Variants in OFD1 observed in about 807,000 individuals in gnomAD.
OFD1 encodes OFD1 centriole and centriolar satellite protein, also known as centriole and centriolar satellite protein OFD1.
A neutral mutation model predicts 81.4 loss-of-function variants in OFD1; 12 were observed. That is an observed-to-expected ratio of 0.15 (90% confidence interval 0.09 to 0.24). The LOEUF is 0.24. Among genes scored for constraint, OFD1 ranks in the 10% least tolerant of loss-of-function variants. The probability of loss-of-function intolerance (pLI) is 1.00; values close to 1 mark genes in which losing one functional copy is unlikely to be tolerated. For synonymous variants in OFD1, 256 were observed against 263.7 expected (o/e 0.97, Z 0.28); for missense variants, 685 against 733.9 (o/e 0.93, Z 0.77).
intron 11 of OFD1, among the ~76,000 whole-genome samples, chrX:13,753,916 T>G: frequency 8.9e-6 from 1 of 112,585 alleles, no homozygotes; most frequent in Non-Finnish European, 1.9e-5. Context: ...TGAACTCTTG[T>G]GTACATTGGC....
In OFD1 at chrX:13,760,621, G is replaced by A; in HGVS notation, c.2161G>A (p.Ala721Thr). The A allele has an allele frequency of 8.3e-7, 1 of 1,211,597 alleles. No individual in the cohort carries two copies. The highest frequency in any genetic ancestry group is 1.1e-6 in the Non-Finnish European group (1 of 895,297). Reference protein sequence around the residue: ...NDVVEALTGSAASRLRGGTSS... With the variant: ...NDVVEALTGSTASRLRGGTSS... ...CGTCGTGGAAGCACTGACAGGCAGT[G>A]CAGCCTCGAGGCTCCGCGGGGGCAC... is the stretch of plus-strand genomic sequence containing the variant. Residue 721 changes from alanine (A) to threonine (T), a missense_variant, in exon 16 of 23, where the codon GCA (alanine) becomes ACA (threonine). Transcript: ENST00000340096.
intron 3 of OFD1, among the ~76,000 whole-genome samples, chrX:13,737,087 C>T (rs1447366188): frequency 8.9e-6 from 1 of 111,898 alleles, no homozygotes; most frequent in African/African-American, 3.2e-5. Context: ...ATTTGCCCAA[C>T]ATCAAGTAAC....
At position 13,739,663 on chromosome X, in the gene OFD1, G is replaced by A. The variant is rs185442889; in HGVS notation, c.412+631G>A. 723 of 144,867 alleles carry A rather than the reference G, an allele frequency of 5.0e-3. 3 individuals are homozygous for A. Among genetic ancestry groups the A allele is most frequent in the Non-Finnish European group, 7.7e-3 (647 of 83,874 alleles). The allele number at this position is 144,867 out of a possible 1,213,427, so 11.9% of individuals were successfully genotyped here. On this transcript the variant is annotated intron_variant, in intron 5 of 22. Coordinates refer to ENST00000340096, the MANE Select transcript of OFD1 (RefSeq NM_003611.3). Reference sequence around the variant, plus strand: ...CTCAGGAGGCTGAGGCAGGAGAATCGCTTGAACCCGGAAGGCAGAGGTTGC... The same window carrying A: ...CTCAGGAGGCTGAGGCAGGAGAATCACTTGAACCCGGAAGGCAGAGGTTGC...
rs775062213 is a variant in OFD1 at position 13,760,297 on chromosome X, A to G, written c.1837A>G (p.Thr613Ala). The change falls in exon 16 of 23, where the codon ACT (threonine) becomes GCT (alanine). Residue 613 changes from threonine (T) to alanine (A), a missense_variant. Physicochemically the swap from Thr to Ala is moderately conservative, Grantham distance 58. Coordinates refer to ENST00000340096, the MANE Select transcript of OFD1 (RefSeq NM_003611.3). ...MVASRITNYPTAWVEGSSPDS... is the reference protein window; with the variant it reads ...MVASRITNYPAAWVEGSSPDS... ...TGCATCAAGGATCACAAATTATCCAACTGCATGGGTGGAGGGTAGTTCCCC... is the reference window on the plus strand; with the variant it reads ...TGCATCAAGGATCACAAATTATCCAGCTGCATGGGTGGAGGGTAGTTCCCC... The G allele has an allele frequency of 1.4e-5, 17 of 1,210,014 alleles. No homozygotes were observed. The highest frequency in any genetic ancestry group is 7.0e-5 in the South Asian group (4 of 56,840).
chrX:13,740,357 G>A, intron 5 of OFD1: 1 of 288,533 alleles, frequency 3.5e-6, no homozygotes, highest in Non-Finnish European at 6.5e-6. Flanking sequence ...AGTGTGACTG[G>A]ATAACTGAAT....
At chrX:13,756,942 C>A (rs1262044846) in intron 13 of OFD1, among the ~76,000 whole-genome samples, 175 bp downstream of exon 13, 1 of 112,053 alleles carries the variant, frequency 8.9e-6, no homozygotes, top group African/African-American at 3.2e-5. Flanking sequence ...ATCAAAGCTT[C>A]CCTTGCCCTC....
At chrX:13,727,149 A>G in the OFD1 span, among the ~76,000 whole-genome samples, 1 of 111,788 alleles carries the variant, frequency 8.9e-6, no homozygotes, top group Middle Eastern at 4.6e-3. Context: ...CTCCCACACA[A>G]TAATAATGGG....
intron 19 of OFD1, among the ~76,000 whole-genome samples, chrX:13,765,119 C>A (rs2048078575): frequency 8.9e-6 from 1 of 111,756 alleles, no homozygotes; most frequent in African/African-American, 3.3e-5. Context: ...TATTAAGCAG[C>A]ATGGCGAGTG....
intron 21 of OFD1, 115 bp from the exon 22 acceptor site, chrX:13,768,603 C>G: frequency 1.6e-6 from 1 of 616,081 alleles, no homozygotes; most frequent in South Asian, 2.4e-5. Flanking sequence ...GTTTAAAAGT[C>G]ACCTCTTTTT....
intron 9 of OFD1, among the ~76,000 whole-genome samples, chrX:13,750,880 A>G (rs962591452): frequency 1.8e-5 from 2 of 112,691 alleles, no homozygotes; most frequent in Admixed American, 1.9e-4. Flanking sequence ...TAGAAGATTT[A>G]AGCACATAAG....
intron 4 of OFD1, 28 bp from the exon 5 acceptor site, chrX:13,738,974 A>G (rs1394795991): frequency 8.4e-7 from 1 of 1,190,603 alleles, no homozygotes; most frequent in Non-Finnish European, 1.1e-6. Context: ...GAATAGCTGA[A>G]TAAAAGTGAA....
Position 13,753,393 on chromosome X carries a change from T to C in OFD1, c.1081T>C (p.Tyr361His), listed in dbSNP as rs991181381. 2.5e-6 allele frequency: 3 copies of C among 1,206,582 alleles called. No individual in the cohort carries two copies. The highest frequency in any genetic ancestry group is 2.2e-5 in the Admixed American group (1 of 45,698). Reference protein sequence around the residue: ...LKYQLELKDDYIIRTNRLIED... With the variant: ...LKYQLELKDDHIIRTNRLIED... Reference sequence around the variant, plus strand: ...GTATCAACTTGAACTGAAGGATGACTACATCATTAGAACTAATCGACTGAT... The same window carrying C: ...GTATCAACTTGAACTGAAGGATGACCACATCATTAGAACTAATCGACTGAT... The change falls in exon 11 of 23, where the codon TAC becomes CAC. Residue 361 changes from tyrosine (Y) to histidine (H), a missense_variant. Tyr to His is a moderately conservative substitution (Grantham distance 83). This residue lies in a region of OFD1 where 414 missense variants were observed against 447.2 expected (regional missense o/e 0.93). Coordinates refer to ENST00000340096, the MANE Select transcript of OFD1 (RefSeq NM_003611.3).
At chrX:13,771,170 T>TTAGAC (rs769523017), downstream of OFD1, 16 of 112,176 alleles carry the variant, frequency 1.4e-4, no homozygotes, top group South Asian at 3.0e-3. Context: ...ATAAAAAATA[T>TTAGAC]TAGACTACTT....
At chrX:13,765,735 A>T (rs988498401) in intron 19 of OFD1, among the ~76,000 whole-genome samples, 5 of 111,687 alleles carry the variant, frequency 4.5e-5, no homozygotes, top group African/African-American at 6.5e-5. Flanking sequence ...TGTCTCTGGG[A>T]TTGGGGTCTA....
the OFD1 span, among the ~76,000 whole-genome samples, chrX:13,718,334 G>A: frequency 8.8e-6 from 1 of 113,221 alleles, no homozygotes; most frequent in Non-Finnish European, 1.9e-5. Context: ...TGAATCCTTA[G>A]AGAAATGGAT....
rs138721221 is a variant in OFD1 at position 13,758,639 on chromosome X, T to G, written c.1654+191T>G. The stretch of plus-strand genomic sequence containing the variant: ...CCATCTGGATCATCAGCAAAAGTAT[T>G]TTGCTTCATAGGTGCCTCATGGCTT... On this transcript the variant is annotated intron_variant, in intron 15 of 22. Coordinates refer to ENST00000340096, the MANE Select transcript of OFD1 (RefSeq NM_003611.3). Among the ~76,000 whole-genome samples the G allele has an allele frequency of 6.0e-3, 672 of 111,567 alleles. 5 individuals carry two copies. The highest frequency in any genetic ancestry group is 0.021 in the African/African-American group (638 of 30,711).
intron 3 of OFD1, 28 bp from the exon 4 acceptor site, chrX:13,738,818 T>C: frequency 1.1e-6 from 1 of 893,657 alleles, no homozygotes; most frequent in Non-Finnish European, 1.6e-6. Context: ...TAAAAATATG[T>C]CTACTTAGTA....
chrX:13,768,736 C>T lies in OFD1; in HGVS notation c.2947C>T (p.Gln983Ter). The T allele has an allele frequency of 8.3e-7, 1 of 1,210,207 alleles. No individual in the cohort carries two copies. Among genetic ancestry groups the T allele is most frequent in the Non-Finnish European group, 1.1e-6 (1 of 894,227 alleles). ...TAATCAGAGCTCAAAAAAGATGGTCCAAGAAGGCTCCCTAGTGGACACGCT... is the reference window on the plus strand; with the variant it reads ...TAATCAGAGCTCAAAAAAGATGGTCTAAGAAGGCTCCCTAGTGGACACGCT... ...SADKSSKKMV[Q>*]EGSLVDTLQS... Residue 983 changes from glutamine (Q) to a stop codon, truncating the protein, a stop_gained, in exon 22 of 23, where the codon CAA becomes TAA. Coordinates refer to ENST00000340096, the MANE Select transcript of OFD1 (RefSeq NM_003611.3). LOFTEE classifies it high-confidence loss of function.
At chrX:13,773,362 G>A (rs1045057333), downstream of OFD1, 60 of 153,085 alleles carry the variant, frequency 3.9e-4, no homozygotes, top group African/African-American at 1.7e-3. Flanking sequence ...AGACTAATGC[G>A]AAAGTTCGGG....
Sources: gnomAD v4.1 joint callset for allele counts (sites outside exome capture counted in the v4.1 genomes callset) on GRCh38, gnomAD v4.1.1 for gene constraint, gnomAD v4.1.1 regional missense constraint, MANE v1.5 for transcripts, NCBI Gene and HGNC (gene_info 2026-07-23, HGNC 2026-07-21) for gene names.